VTI1A: variants seen among roughly 807,000 people sequenced by gnomAD.
VTI1A encodes vesicle transport through interaction with t-SNAREs homolog 1A.
Under a neutral mutation model 34.9 loss-of-function variants are expected in VTI1A, and 22 were observed. The ratio of observed to expected loss-of-function variants is 0.63; its 90% confidence interval spans 0.45 to 0.90. VTI1A has a LOEUF of 0.90. VTI1A is among the 40% of genes least tolerant of loss of function. The probability of loss-of-function intolerance (pLI) is 0.00; values close to 1 mark genes in which losing one functional copy is unlikely to be tolerated. For synonymous variants in VTI1A, 87 were observed against 97.3 expected, an observed-to-expected ratio of 0.89 and a Z score of 0.62; for missense variants, 268 against 275.6, an observed-to-expected ratio of 0.97 and a Z score of 0.20.
chr10:112,716,360 A>G (rs1849614577), intron 7 of VTI1A, among the ~76,000 whole-genome samples: 1 of 152,230 alleles, frequency 6.6e-6, no homozygotes, highest in Non-Finnish European at 1.5e-5. Context: ...GGCAGGCCTT[A>G]GGTAGTGAAG....
At chr10:112,511,328 C>T (rs1589846258) in intron 3 of VTI1A, among the ~76,000 whole-genome samples, 2 of 151,706 alleles carry the variant, frequency 1.3e-5, no homozygotes, top group East Asian at 3.9e-4. Flanking sequence ...ACTGCAACCT[C>T]CGCCTCCTGG....
chr10:112,726,247 T>G (rs1487919308), intron 7 of VTI1A, among the ~76,000 whole-genome samples: 1 of 152,148 alleles, frequency 6.6e-6, no homozygotes, highest in African/African-American at 2.4e-5. Context: ...GCCTTCATCC[T>G]CTCCTTCTAA....
intron 7 of VTI1A, among the ~76,000 whole-genome samples, chr10:112,687,205 TAGGCATACTACAAC>T: frequency 1.4e-5 from 2 of 138,966 alleles, no homozygotes; most frequent in Non-Finnish European, 3.1e-5. Context: ...AAAACAGGCC[TAGGCATACTACAAC>T]TTTTTTTTTT....
chr10:112,464,085 G>A (rs1847816770), intron 2 of VTI1A, among the ~76,000 whole-genome samples: 2 of 152,148 alleles, frequency 1.3e-5, no homozygotes, highest in South Asian at 4.1e-4. Context: ...TGCAACCTCT[G>A]CCTCCCAGGT....
intron 3 of VTI1A, among the ~76,000 whole-genome samples, chr10:112,480,808 A>T (rs1848438555): frequency 6.6e-6 from 1 of 152,184 alleles, no homozygotes; most frequent in Non-Finnish European, 1.5e-5. Flanking sequence ...GAATCTGAGG[A>T]TCTTAAAAAG....
At position 112,476,516 on chromosome 10, in the gene VTI1A, A is replaced by C. The variant is rs113587960; in HGVS notation, c.264+11859A>C. Among the ~76,000 whole-genome samples the C allele has an allele frequency of 5.3e-5, 8 of 152,286 alleles. No individual in the cohort carries two copies. In the South Asian group the frequency reaches 1.7e-3, roughly 32 times the overall value. ...GTAGAATATCAAACATTAAAGAAGA[A>C]ACAGTGATGCTGTGGTAGTGATGTT... On this transcript the variant is annotated intron_variant, in intron 3 of 7. Coordinates refer to ENST00000393077, the MANE Select transcript of VTI1A (RefSeq NM_145206.4).
At chr10:112,746,772 A>G (rs1171406389) in intron 7 of VTI1A, among the ~76,000 whole-genome samples, 1 of 152,262 alleles carries the variant, frequency 6.6e-6, no homozygotes, top group Non-Finnish European at 1.5e-5. Context: ...ATTGGCTGCT[A>G]TCACGGCTGA....
At chr10:112,782,179 A>G (rs933129250) in intron 7 of VTI1A, among the ~76,000 whole-genome samples, 3 of 152,240 alleles carry the variant, frequency 2.0e-5, no homozygotes, top group African/African-American at 7.2e-5. Context: ...TACCCCCAGA[A>G]TGGAACCAGA....
intron 7 of VTI1A, among the ~76,000 whole-genome samples, chr10:112,691,383 C>T (rs754256774): frequency 6.6e-5 from 10 of 152,182 alleles, no homozygotes; most frequent in Non-Finnish European, 1.5e-4. Flanking sequence ...AGGAACCCTA[C>T]ATTCTAAACT....
intron 5 of VTI1A, among the ~76,000 whole-genome samples, chr10:112,610,136 T>C (rs573080733): frequency 6.6e-6 from 1 of 151,114 alleles, no homozygotes; most frequent in Non-Finnish European, 1.5e-5. Flanking sequence ...TCATCTTCAG[T>C]GTTCAGGGGG....
At chr10:112,791,320 G>A (rs1199185843) in intron 7 of VTI1A, among the ~76,000 whole-genome samples, 1 of 152,102 alleles carries the variant, frequency 6.6e-6, no homozygotes, top group African/African-American at 2.4e-5. Context: ...CTAACCACTT[G>A]GATATCAGAA....
intron 1 of VTI1A, chr10:112,449,671 T>C (rs1847158073): frequency 6.6e-6 from 1 of 152,410 alleles, no homozygotes. Flanking sequence ...GAGAATCGCT[T>C]GAACCTGGGA....
chr10:112,728,122 A>G (rs946317494), intron 7 of VTI1A, among the ~76,000 whole-genome samples: 1 of 152,216 alleles, frequency 6.6e-6, no homozygotes. Context: ...ACCTCAGGAA[A>G]GTTTCTCAGG....
At chr10:112,774,952 G>A (rs1052698069) in intron 7 of VTI1A, among the ~76,000 whole-genome samples, 9 of 152,168 alleles carry the variant, frequency 5.9e-5, no homozygotes, top group Admixed American at 1.3e-4. Context: ...AGGCTAGACC[G>A]AAGCAATGAA....
At chr10:112,535,924 C>T (rs1439315972) in intron 4 of VTI1A, among the ~76,000 whole-genome samples, 2 of 152,158 alleles carry the variant, frequency 1.3e-5, no homozygotes, top group Non-Finnish European at 2.9e-5. Context: ...TGCTGTAAAG[C>T]TGCTGATAAA....
chr10:112,836,634 T>C, the VTI1A span, among the ~76,000 whole-genome samples: 2 of 152,206 alleles, frequency 1.3e-5, no homozygotes, highest in African/African-American at 2.4e-5. Context: ...TCAGGCCACG[T>C]GTAGTAGCAC....
intron 5 of VTI1A, among the ~76,000 whole-genome samples, chr10:112,599,377 T>G (rs186760961): frequency 6.6e-6 from 1 of 152,238 alleles, no homozygotes; most frequent in Non-Finnish European, 1.5e-5. Flanking sequence ...GATTTTAAAA[T>G]GGAACCAGGG....
chr10:112,644,329 GTAAT>G (rs1846692307), intron 5 of VTI1A, among the ~76,000 whole-genome samples: 1 of 152,188 alleles, frequency 6.6e-6, no homozygotes, highest in Non-Finnish European at 1.5e-5. Flanking sequence ...CTGGCAGGTG[GTAAT>G]AATGCCTATG....
intron 5 of VTI1A, among the ~76,000 whole-genome samples, chr10:112,578,049 G>T (rs1374097922): frequency 6.6e-6 from 1 of 152,188 alleles, no homozygotes; most frequent in Non-Finnish European, 1.5e-5. Context: ...CTTTCTTATT[G>T]TTTTGTTTGA....
Sources: gnomAD v4.1 joint callset for allele counts (sites outside exome capture counted in the v4.1 genomes callset) on GRCh38, gnomAD v4.1.1 for gene constraint, MANE v1.5 for transcripts, NCBI Gene and HGNC (gene_info 2026-07-23, HGNC 2026-07-21) for gene names.